SLC9A5: variants seen among roughly 807,000 people sequenced by gnomAD.
SLC9A5 encodes the protein sodium/hydrogen exchanger 5.
A neutral mutation model predicts 91.7 loss-of-function variants in SLC9A5; 52 were observed. That is an observed-to-expected ratio of 0.57 (90% CI 0.45 to 0.71). The LOEUF (loss-of-function observed/expected upper bound fraction) is 0.71, where lower values mean the gene tolerates loss of function less well. SLC9A5 is among the 30% of genes least tolerant of loss of function. SLC9A5 has a pLI of 0.00. For missense variants in SLC9A5, 871 were observed against 1,158.9 expected (o/e 0.75, Z 3.61); for synonymous variants, 419 against 474.5 (o/e 0.88, Z 1.52).
In SLC9A5 at chr16:67,252,353, G is replaced by A. The variant is rs990108665; in HGVS notation, c.188-189G>A. Among the ~76,000 whole-genome samples the A allele has an allele frequency of 2.0e-5, 3 of 152,114 alleles. No homozygotes were observed. Among genetic ancestry groups the A allele is most frequent in the Non-Finnish European group, 4.4e-5 (3 of 68,010 alleles). ...GTAGTCCCCGTACTCAGGAGGCTGA[G>A]GCAGGAGAATCACTTGAACCCGGGA... is the stretch of plus-strand genomic sequence containing the variant. On this transcript the variant is annotated intron_variant, in intron 1 of 15. Coordinates refer to ENST00000299798, the MANE Select transcript of SLC9A5 (RefSeq NM_004594.3). This position sits in a 1 kb window ranked among gnomAD's most constrained non-coding sequence, Gnocchi z 4.0.
Position 67,271,282 on chromosome 16 carries a change from T to C in SLC9A5, c.*72T>C. 7.4e-7 allele frequency: 1 copy of C among 1,355,314 alleles called. No individual in the cohort carries two copies. Among genetic ancestry groups the C allele is most frequent in the South Asian group, 1.2e-5 (1 of 80,406 alleles). The allele number at this position is 1,355,314 out of a possible 1,614,324, so 84.0% of individuals were successfully genotyped here. ...GCTCCCTGGGTGATGGGTAGAGCCC[T>C]CGAAACTTGACATGGGGCCAGAAGG... is the stretch of plus-strand genomic sequence containing the variant. On this transcript the variant is annotated 3_prime_UTR_variant, in exon 16 of 16. Transcript: ENST00000299798.
intron 14 of SLC9A5, among the ~76,000 whole-genome samples, chr16:67,265,598 T>C (rs1403270301): frequency 6.6e-6 from 1 of 152,078 alleles, no homozygotes; most frequent in Admixed American, 6.5e-5. Context: ...TTTTTTTGTA[T>C]TTTTGGTAGA....
Position 67,255,505 on chromosome 16 carries a change from G to T in SLC9A5, c.733+34G>T, listed in dbSNP as rs1188586216. Reference sequence around the variant, plus strand: ...TTCCCCGCTCCCAGCTGGCATTGGAGGTCTGCCTCCCCTGGGTTGCTGAGG... The same window carrying T: ...TTCCCCGCTCCCAGCTGGCATTGGATGTCTGCCTCCCCTGGGTTGCTGAGG... On this transcript the variant is annotated intron_variant, in intron 4 of 15. Coordinates refer to ENST00000299798, the MANE Select transcript of SLC9A5 (RefSeq NM_004594.3). This position sits in a 1 kb window ranked among gnomAD's most constrained non-coding sequence, Gnocchi z 4.9. 6.2e-7 allele frequency: 1 copy of T among 1,606,734 alleles called. No homozygotes were observed. Among genetic ancestry groups the T allele is most frequent in the Non-Finnish European group, 8.5e-7 (1 of 1,173,460 alleles).
At chr16:67,261,569 G>C (rs2035530568) in intron 12 of SLC9A5, 1 of 152,096 alleles carries the variant, frequency 6.6e-6, no homozygotes, top group Non-Finnish European at 1.5e-5. Context: ...CTTACATCCA[G>C]TCAGTATTCA....
rs2035366584 is a variant in SLC9A5, at chr16:67,257,601, G to A, written c.1496G>A (p.Arg499Lys). The A allele has an allele frequency of 1.2e-6, 2 of 1,614,052 alleles. No individual in the cohort carries two copies. The highest frequency in any genetic ancestry group is 1.7e-6 in the Non-Finnish European group (2 of 1,180,020). Residue 499 changes from arginine to lysine, a missense_variant and splice_region_variant, in exon 9 of 16, where the codon AGG (arginine) becomes AAG (lysine). Transcript: ENST00000299798. This position sits in a 1 kb window ranked among gnomAD's most constrained non-coding sequence, Gnocchi z 5.1. ...CATGGCTACCACTACTGGAGGGACA[G>A]GTGAGGGAGCTGCCCCGAGGCTCCT... ...GHHGYHYWRDRWEQFDKKYLS... is the reference protein window; with the variant it reads ...GHHGYHYWRDKWEQFDKKYLS...
In SLC9A5 at chr16:67,252,448, TC is replaced by T; in HGVS notation, c.188-93del. 9.8e-7 allele frequency: 1 copy of T among 1,017,424 alleles called. No individual in the cohort carries two copies. Among genetic ancestry groups the T allele is most frequent in the East Asian group, 2.4e-5 (1 of 41,130 alleles). 63.0% of individuals were successfully genotyped at this position (1,017,424 alleles called of 1,614,324 possible). A position where few individuals can be genotyped will look rare whatever the true frequency, so the allele number is the denominator to read the frequency against. Reference sequence around the variant, plus strand: ...TTGGGCAACAGAGTGAGACTTCATCTCAAAAAAAAAAAAACAAAACTGGGAG... The same window carrying T: ...TTGGGCAACAGAGTGAGACTTCATCTAAAAAAAAAAAAACAAAACTGGGAG... On this transcript the variant is annotated intron_variant, in intron 1 of 15. Coordinates refer to ENST00000299798, the MANE Select transcript of SLC9A5 (RefSeq NM_004594.3). The surrounding 1 kb of genome is among the most constrained non-coding windows in gnomAD (Gnocchi z 4.0).
In SLC9A5 at chr16:67,259,890, G is replaced by A. The variant is rs778053322; in HGVS notation, c.1786G>A (p.Glu596Lys). The A allele has an allele frequency of 1.5e-5, 25 of 1,614,016 alleles. No homozygotes were observed. Among genetic ancestry groups the A allele is most frequent in the Non-Finnish European group, 2.1e-5 (25 of 1,180,032 alleles). ...CACAGTACGCAGCGGCCGGGATCGT[G>A]AGGATGCTGTGATGCATCATCTGCT... is the stretch of plus-strand genomic sequence containing the variant. ...IDTVRSGRDR[E>K]DAVMHHLLCG... Residue 596 changes from glutamate (E) to lysine (K), a missense_variant, in exon 12 of 16, where the codon GAG (glutamate) becomes AAG (lysine). By Grantham distance (56) the Glu-to-Lys change is moderately conservative. Coordinates refer to ENST00000299798, the MANE Select transcript of SLC9A5 (RefSeq NM_004594.3).
intron 12 of SLC9A5, chr16:67,262,319 C>G (rs1048519244): frequency 2.2e-6 from 1 of 455,162 alleles, no homozygotes; most frequent in African/African-American, 2.0e-5. Flanking sequence ...TCTGAATCCA[C>G]TTAGTATGAT....
Position 67,268,658 on chromosome 16 carries a change from TTATATATATATATATATATATATATATA to T in SLC9A5, c.2219-2054_2219-2027del, listed in dbSNP as rs60054219. Among the ~76,000 whole-genome samples the T allele has an allele frequency of 4.0e-3, 170 of 42,328 alleles. 9 individuals carry two copies. The highest frequency in any genetic ancestry group is 4.6e-3 in the South Asian group (6 of 1,292). 27.8% of individuals were successfully genotyped at this position (42,328 alleles called of 152,430 possible). On this transcript the variant is annotated intron_variant, in intron 15 of 15. Transcript: ENST00000299798. Reference sequence around the variant, plus strand: ...TCAAACATCGTTCAAATTTCCCTGATTATATATATATATATATATATATATATATATATATATATATATATATATATAT... The same window carrying T: ...TCAAACATCGTTCAAATTTCCCTGATTATATATATATATATATATATATAT...
rs887219816 is a variant in SLC9A5, at chr16:67,271,359, C to G, written c.*149C>G. The G allele has an allele frequency of 2.9e-6, 2 of 686,862 alleles. No individual in the cohort carries two copies. The highest frequency in any genetic ancestry group is 5.2e-5 in the Admixed American group (2 of 38,636). The allele number at this position is 686,862 out of a possible 1,614,324, so 42.5% of individuals were successfully genotyped here. On this transcript the variant is annotated 3_prime_UTR_variant, in exon 16 of 16. Coordinates refer to ENST00000299798, the MANE Select transcript of SLC9A5 (RefSeq NM_004594.3). ...TCCTTGGAGCTAGTCAGAGGGGTCACCTAAGCTGGTCCTCACAGGGGCCTT... is the reference window on the plus strand; with the variant it reads ...TCCTTGGAGCTAGTCAGAGGGGTCAGCTAAGCTGGTCCTCACAGGGGCCTT...
At chr16:67,267,151 G>A (rs1421085000) in intron 15 of SLC9A5, among the ~76,000 whole-genome samples, 1 of 138,138 alleles carries the variant, frequency 7.2e-6, no homozygotes, top group African/African-American at 2.7e-5. Flanking sequence ...GTAATGGTGT[G>A]ACTCAGGTCA....
At chr16:67,261,927 GGTGTGT>G (rs56311190) in intron 12 of SLC9A5, 28 of 151,754 alleles carry the variant, frequency 1.8e-4, no homozygotes, top group East Asian at 7.4e-4. Flanking sequence ...GATTTGGTGA[GGTGTGT>G]GTGTGTGTGT....
At chr16:67,263,275 G>A (rs984579405) in intron 12 of SLC9A5, 14 of 152,168 alleles carry the variant, frequency 9.2e-5, no homozygotes, top group African/African-American at 3.1e-4. Flanking sequence ...AGGGCAGATG[G>A]AAGACTTGAA....
Position 67,252,527 on chromosome 16 carries a change from C to A in SLC9A5, c.188-15C>A, listed in dbSNP as rs758184323. 2 of 1,604,142 alleles carry A rather than the reference C, an allele frequency of 1.2e-6. No individual in the cohort carries two copies. The highest frequency in any genetic ancestry group is 2.2e-5 in the South Asian group (2 of 89,924). On this transcript the variant is annotated splice_polypyrimidine_tract_variant and intron_variant, in intron 1 of 15. Transcript: ENST00000299798. This position sits in a 1 kb window ranked among gnomAD's most constrained non-coding sequence, Gnocchi z 4.0. The stretch of plus-strand genomic sequence containing the variant: ...TCCATAAACTGATCCATCCTGCACT[C>A]TTTTTGCATTGCAGTGTTTCACCTG...
Position 67,270,698 on chromosome 16 carries a change from C to A in SLC9A5, c.2219-40C>A. On this transcript the variant is annotated intron_variant, in intron 15 of 15. Coordinates refer to ENST00000299798, the MANE Select transcript of SLC9A5 (RefSeq NM_004594.3). This position sits in a 1 kb window ranked among gnomAD's most constrained non-coding sequence, Gnocchi z 4.3. ...AATGTGCTTATACTTGAGATTTCCA[C>A]TGTATTGGTAATGAGTTCATGTGTA... The A allele has an allele frequency of 7.5e-7, 1 of 1,324,566 alleles. No homozygotes were observed. The highest frequency in any genetic ancestry group is 1.0e-6 in the Non-Finnish European group (1 of 966,350). The allele number at this position is 1,324,566 out of a possible 1,614,324, so 82.1% of individuals were successfully genotyped here.
chr16:67,269,181 C>T lies in SLC9A5; in HGVS notation c.2219-1557C>T, dbSNP rs564170850. ...GCTCACACCTATAATTCCAGCACTT[C>T]GGGAGGCCAAGGTGTGCAGATCACC... On this transcript the variant is annotated intron_variant, in intron 15 of 15. Transcript: ENST00000299798. 1.6e-3 allele frequency among the ~76,000 whole-genome samples: 246 copies of T among 151,908 alleles called. 1 individual carries two copies. Among genetic ancestry groups the T allele is most frequent in the Non-Finnish European group, 2.7e-3 (182 of 67,962 alleles).
At chr16:67,266,274 C>T (rs770915129) in intron 15 of SLC9A5, 49 bp downstream of exon 15, 1 of 1,535,170 alleles carries the variant, frequency 6.5e-7, no homozygotes, top group Admixed American at 2.2e-5. Flanking sequence ...AGCTGGTTTC[C>T]TCTCTCTTCA....
At position 67,257,668 on chromosome 16, in the gene SLC9A5, G is replaced by A. The variant is rs2035369928; in HGVS notation, c.1496+67G>A. On this transcript the variant is annotated intron_variant, in intron 9 of 15. Coordinates refer to ENST00000299798, the MANE Select transcript of SLC9A5 (RefSeq NM_004594.3). The surrounding 1 kb of genome is among the most constrained non-coding windows in gnomAD (Gnocchi z 5.1). Reference sequence around the variant, plus strand: ...CACCAGCCAGGGAAGCATGGGGGATGTGCCACACTTCTGAGAAGGGACAGA... The same window carrying A: ...CACCAGCCAGGGAAGCATGGGGGATATGCCACACTTCTGAGAAGGGACAGA... 8 of 1,520,708 alleles carry A rather than the reference G, an allele frequency of 5.3e-6. No homozygotes were observed. Among genetic ancestry groups the A allele is most frequent in the African/African-American group, 1.4e-5 (1 of 73,050 alleles). 94.2% of individuals were successfully genotyped at this position (1,520,708 alleles called of 1,614,324 possible). A position where few individuals can be genotyped will look rare whatever the true frequency, so the allele number is the denominator to read the frequency against.
chr16:67,251,229 G>A (rs76499867), intron 1 of SLC9A5, among the ~76,000 whole-genome samples: 5 of 152,012 alleles, frequency 3.3e-5, no homozygotes, highest in East Asian at 1.9e-4. Flanking sequence ...TAAAAACTAC[G>A]CAGTCCTGAG....
Sources: gnomAD v4.1 joint callset for allele counts (sites outside exome capture counted in the v4.1 genomes callset) on GRCh38, gnomAD v4.1.1 for gene constraint, Gnocchi (gnomAD v3.1) non-coding constraint, MANE v1.5 for transcripts, NCBI Gene and HGNC (gene_info 2026-07-23, HGNC 2026-07-21) for gene names.